LRRC4C: variants seen among roughly 807,000 people sequenced by gnomAD.
LRRC4C encodes leucine rich repeat containing 4C.
In LRRC4C, 5 loss-of-function variants were observed where a neutral mutation model predicts 33.6. The ratio of observed to expected loss-of-function variants is 0.15; its 90% confidence interval spans 0.08 to 0.31. LRRC4C has a LOEUF of 0.31. Ranked by LOEUF, LRRC4C falls within the 10% of genes least tolerant of loss-of-function variation. LRRC4C has a pLI of 1.00. For synonymous variants in LRRC4C, 329 were observed against 302.0 expected, an observed-to-expected ratio of 1.09 and a Z score of -0.93; for missense variants, 560 against 796.7, an observed-to-expected ratio of 0.70 and a Z score of 3.58.
rs1855304720 is a variant in LRRC4C, at chr11:40,114,878, G to A, written c.1415C>T (p.Thr472Ile). The A allele has an allele frequency of 6.2e-7, 1 of 1,614,060 alleles. No individual in the cohort carries two copies. The highest frequency in any genetic ancestry group is 1.3e-5 in the African/African-American group (1 of 74,924). The stretch of plus-strand genomic sequence containing the variant: ...TGGAGTGGGACCCACATTGTTATCT[G>A]TGGTCCGTGCCTCATCCTGAGACGG... Reference protein sequence around the residue: ...MEPSQDEARTTDNNVGPTPVV... With the variant: ...MEPSQDEARTIDNNVGPTPVV... Residue 472 changes from threonine to isoleucine, a missense_variant, in exon 7 of 7, where the codon ACA becomes ATA. Physicochemically the swap from Thr to Ile is moderately conservative, Grantham distance 89 (BLOSUM62 -1). Around this residue, in one of 3 missense-constraint regions of LRRC4C, gnomAD observed 455 missense variants for 643.8 expected, o/e 0.71. Transcript: ENST00000528697.
intron 3 of LRRC4C, among the ~76,000 whole-genome samples, chr11:40,612,669 G>A (rs1400063554): frequency 6.6e-6 from 1 of 151,828 alleles, no homozygotes; most frequent in Non-Finnish European, 1.5e-5. Flanking sequence ...TTCGTGGTCT[G>A]CATACAGAAC....
chr11:40,367,406 G>T (rs1709852491), intron 3 of LRRC4C, among the ~76,000 whole-genome samples: 1 of 152,062 alleles, frequency 6.6e-6, no homozygotes, highest in South Asian at 2.1e-4. Flanking sequence ...ACAAGAAAAA[G>T]GTCCCACCAC....
chr11:40,720,481 A>G (rs566535953), intron 2 of LRRC4C, among the ~76,000 whole-genome samples: 3 of 152,322 alleles, frequency 2.0e-5, no homozygotes, highest in Admixed American at 1.3e-4. Context: ...CTTAAGAGAT[A>G]TAAGTTCAAA....
At chr11:40,195,308 T>A (rs10837362) in intron 5 of LRRC4C, among the ~76,000 whole-genome samples, 71,679 of 151,776 alleles carry the variant, frequency 0.47, 17,504 homozygotes, top group South Asian at 0.64. Flanking sequence ...GGAGGGGAAG[T>A]CTTTAAATCT....
chr11:41,004,079 T>C (rs936909933), intron 1 of LRRC4C, among the ~76,000 whole-genome samples: 3 of 152,146 alleles, frequency 2.0e-5, no homozygotes, highest in African/African-American at 4.8e-5. Flanking sequence ...CAAAGAGGCA[T>C]GAACACCCCA....
intron 1 of LRRC4C, among the ~76,000 whole-genome samples, chr11:41,213,450 G>A (rs1018200183): frequency 2.0e-5 from 3 of 152,142 alleles, no homozygotes; most frequent in Middle Eastern, 3.2e-3. Context: ...TAGCAAACTC[G>A]TTTTAATGTA....
At chr11:40,524,153 C>T (rs562850344) in intron 3 of LRRC4C, among the ~76,000 whole-genome samples, 99 of 152,200 alleles carry the variant, frequency 6.5e-4, no homozygotes, top group Non-Finnish European at 1.2e-3. Context: ...TATATTTGCC[C>T]ATTATGTTAG....
At chr11:40,413,968 G>C (rs1404740434) in intron 3 of LRRC4C, among the ~76,000 whole-genome samples, 1 of 151,932 alleles carries the variant, frequency 6.6e-6, no homozygotes, top group African/African-American at 2.4e-5. Context: ...GTTATTTAAA[G>C]TCTAAGAATT....
Position 40,279,179 on chromosome 11 carries a change from C to T in LRRC4C, c.-175-37581G>A, listed in dbSNP as rs182711723. ...TCAATTACATATGTCAGCAAATTCT[C>T]TTTTTTGCTTAACCTCGCTAGACTT... On this transcript the variant is annotated intron_variant, in intron 4 of 6. Transcript: ENST00000528697. Among the ~76,000 whole-genome samples, 715 of 152,258 alleles carry T rather than the reference C, an allele frequency of 4.7e-3. 3 individuals carry two copies. Among genetic ancestry groups the T allele is most frequent in the Non-Finnish European group, 7.2e-3 (487 of 68,004 alleles).
At chr11:40,942,403 A>C (rs2136606888) in intron 1 of LRRC4C, among the ~76,000 whole-genome samples, 1 of 152,312 alleles carries the variant, frequency 6.6e-6, no homozygotes, top group East Asian at 1.9e-4. Flanking sequence ...AACTTTAGAA[A>C]GTGCTGCAGT....
Position 40,620,058 on chromosome 11 carries a change from G to GAA in LRRC4C, c.-270+28082_-270+28083dup, listed in dbSNP as rs11344920. ...TGAAGTTTAAAAGGAAAAAATACCT[G>GAA]AAAAAAAAAAAAAAAAAGAATGAGC... On this transcript the variant is annotated intron_variant, in intron 3 of 6. Transcript: ENST00000528697. Among the ~76,000 whole-genome samples the GAA allele has an allele frequency of 2.3e-3, 309 of 133,620 alleles. 2 individuals carry two copies. The highest frequency in any genetic ancestry group is 4.5e-3 in the South Asian group (19 of 4,184). 87.7% of individuals were successfully genotyped at this position (133,620 alleles called of 152,430 possible).
At chr11:40,555,233 C>T (rs1321551557) in intron 3 of LRRC4C, among the ~76,000 whole-genome samples, 2 of 152,036 alleles carry the variant, frequency 1.3e-5, no homozygotes, top group Admixed American at 6.5e-5. Context: ...TTTCACTGCC[C>T]TGTGTTAAGG....
chr11:40,435,638 G>A (rs183156866), intron 3 of LRRC4C, among the ~76,000 whole-genome samples: 1 of 152,252 alleles, frequency 6.6e-6, no homozygotes, highest in Non-Finnish European at 1.5e-5. Flanking sequence ...AGAAGGCACA[G>A]GCTCTGACAT....
At chr11:40,383,085 A>G (rs1948957409) in intron 3 of LRRC4C, among the ~76,000 whole-genome samples, 1 of 150,610 alleles carries the variant, frequency 6.6e-6, no homozygotes, top group Non-Finnish European at 1.5e-5. Flanking sequence ...GAGTTTAACT[A>G]CTTTCAATTT....
intron 5 of LRRC4C, among the ~76,000 whole-genome samples, chr11:40,170,984 T>A (rs1039335022): frequency 1.3e-5 from 2 of 152,294 alleles, no homozygotes; most frequent in East Asian, 3.9e-4. Flanking sequence ...AGGAAGTAGA[T>A]CAAGGCTCCC....
chr11:41,398,874 A>ACCTTCT (rs1953921609), intron 1 of LRRC4C, among the ~76,000 whole-genome samples: 1 of 151,834 alleles, frequency 6.6e-6, no homozygotes, highest in Non-Finnish European at 1.5e-5. Context: ...GTTGTGTAGA[A>ACCTTCT]GGACCTTATT....
chr11:41,175,844 A>G (rs1406610605), intron 1 of LRRC4C, among the ~76,000 whole-genome samples: 2 of 152,178 alleles, frequency 1.3e-5, no homozygotes, highest in African/African-American at 4.8e-5. Context: ...AATCCTTTGA[A>G]TACAGAACAT....
At chr11:41,141,656 A>T (rs1480809597) in intron 1 of LRRC4C, among the ~76,000 whole-genome samples, 1 of 152,034 alleles carries the variant, frequency 6.6e-6, no homozygotes, top group Non-Finnish European at 1.5e-5. Context: ...TTTTATAAGC[A>T]TCTGGCATTT....
chr11:40,503,979 GA>G (rs1184359240), intron 3 of LRRC4C, among the ~76,000 whole-genome samples: 1 of 151,880 alleles, frequency 6.6e-6, no homozygotes, highest in African/African-American at 2.4e-5. Context: ...GTTTTGAAGA[GA>G]AAAAAAGAGA....
Sources: allele counts gnomAD v4.1 joint callset (sites outside exome capture counted in the v4.1 genomes callset), GRCh38; gene constraint gnomAD v4.1.1; regional missense constraint gnomAD v4.1.1; transcripts MANE v1.5; gene names NCBI Gene and HGNC (gene_info 2026-07-23, HGNC 2026-07-21).